The following TMEM131 variants were observed in gnomAD, a reference collection of about 807,000 sequenced individuals.
TMEM131 encodes the protein 2610524E03Rik.
In TMEM131, 66 loss-of-function variants were observed where a neutral mutation model predicts 211.6. The ratio of observed to expected loss-of-function variants is 0.31; its 90% CI spans 0.26 to 0.38. The LOEUF is 0.38. TMEM131 is among the 10% of genes least tolerant of loss of function. TMEM131 has a pLI of 1.00. For missense variants in TMEM131, 2,036 were observed against 2,299.3 expected (o/e 0.89, Z 2.34); for synonymous variants, 844 against 841.3 (o/e 1.00, Z -0.06).
intron 3 of TMEM131, among the ~76,000 whole-genome samples, chr2:97,890,596 C>T (rs1675337900): frequency 6.6e-6 from 1 of 152,132 alleles, no homozygotes; most frequent in African/African-American, 2.4e-5. Flanking sequence ...TACATGGATA[C>T]TGTTCATATT....
intron 11 of TMEM131, among the ~76,000 whole-genome samples, chr2:97,830,845 A>G (rs1239447076): frequency 6.6e-6 from 1 of 152,236 alleles, no homozygotes; most frequent in Non-Finnish European, 1.5e-5. Flanking sequence ...TCCTATATTT[A>G]GAAAGAGAAT....
chr2:97,941,149 G>C (rs1459650660), intron 1 of TMEM131, among the ~76,000 whole-genome samples: 1 of 152,122 alleles, frequency 6.6e-6, no homozygotes, highest in Non-Finnish European at 1.5e-5. Context: ...AAACAGAACA[G>C]AGCCCTCAGA....
intron 4 of TMEM131, among the ~76,000 whole-genome samples, chr2:97,881,262 AG>A (rs1674918015): frequency 6.7e-6 from 1 of 150,274 alleles, no homozygotes; most frequent in African/African-American, 2.5e-5. Context: ...TTTTTGAGAC[AG>A]GGTCTGGCTC....
intron 1 of TMEM131, 47 bp downstream of exon 1, chr2:97,995,429 A>G (rs1573671352): frequency 1.5e-6 from 2 of 1,314,000 alleles, no homozygotes; most frequent in Non-Finnish European, 1.9e-6. Flanking sequence ...CCTCCGCGAG[A>G]GCGGGGTGAC....
chr2:97,939,672 TTA>T (rs1677626821), intron 1 of TMEM131, among the ~76,000 whole-genome samples: 1 of 152,224 alleles, frequency 6.6e-6, no homozygotes, highest in Admixed American at 6.5e-5. Context: ...CTAACTCATC[TTA>T]TGAGGCCAGC....
Position 97,822,185 on chromosome 2 carries a change from C to T in TMEM131, c.1075-3464G>A, listed in dbSNP as rs533026563. On this transcript the variant is annotated intron_variant, in intron 11 of 40. Transcript: ENST00000186436. ...CTATAAGAATGATTTCCAGTATAAA[C>T]TCCAGGACTCTATTCCCTCCTTTAG... Among the ~76,000 whole-genome samples, 75 of 152,260 alleles carry T rather than the reference C, an allele frequency of 4.9e-4. 1 individual carries two copies. Among genetic ancestry groups the T allele is most frequent in the African/African-American group, 1.7e-3 (72 of 41,532 alleles).
At chr2:97,938,954 G>C (rs1436370245) in intron 1 of TMEM131, among the ~76,000 whole-genome samples, 3 of 152,112 alleles carry the variant, frequency 2.0e-5, no homozygotes, top group Admixed American at 1.3e-4. Flanking sequence ...AATGAAGGCA[G>C]AAATAAAGAT....
At chr2:97,880,297 T>C (rs1015487824) in intron 4 of TMEM131, among the ~76,000 whole-genome samples, 2 of 152,234 alleles carry the variant, frequency 1.3e-5, no homozygotes, top group Non-Finnish European at 2.9e-5. Flanking sequence ...GCATTTATCC[T>C]GAAGGCAAAT....
intron 25 of TMEM131, 124 bp from the exon 26 acceptor site, chr2:97,797,640 A>G (rs1184226833): frequency 3.7e-6 from 3 of 801,944 alleles, no homozygotes; most frequent in Non-Finnish European, 5.7e-6. Flanking sequence ...AAACAATTTT[A>G]TCTGTCATGT....
intron 1 of TMEM131, among the ~76,000 whole-genome samples, chr2:97,965,448 CCTTT>C (rs1188802790): frequency 1.3e-5 from 2 of 152,222 alleles, no homozygotes; most frequent in Non-Finnish European, 2.9e-5. Context: ...CTTTCTAACT[CCTTT>C]GTCTCCGCTG....
chr2:97,851,532 T>C (rs576024992), intron 5 of TMEM131, among the ~76,000 whole-genome samples: 17 of 152,368 alleles, frequency 1.1e-4, no homozygotes, highest in South Asian at 4.1e-4. Context: ...AATTAAAGGT[T>C]TGTAGCAACC....
intron 31 of TMEM131, among the ~76,000 whole-genome samples, chr2:97,787,102 T>C (rs1406073759): frequency 6.6e-6 from 1 of 152,244 alleles, no homozygotes; most frequent in Non-Finnish European, 1.5e-5. Context: ...TTCATTGTTT[T>C]ATATGTGCTA....
intron 5 of TMEM131, among the ~76,000 whole-genome samples, chr2:97,852,357 C>T (rs768333976): frequency 1.3e-5 from 2 of 152,074 alleles, no homozygotes; most frequent in African/African-American, 2.4e-5. Flanking sequence ...GGGGTTTCAC[C>T]ACGTTGGCCA....
chr2:97,785,050 T>C (rs1221635881), intron 31 of TMEM131, among the ~76,000 whole-genome samples: 1 of 152,148 alleles, frequency 6.6e-6, no homozygotes, highest in Non-Finnish European at 1.5e-5. Flanking sequence ...AAAACACTAC[T>C]ACCACAACTC....
At chr2:97,891,214 G>A (rs1212231015) in intron 3 of TMEM131, among the ~76,000 whole-genome samples, 1 of 152,132 alleles carries the variant, frequency 6.6e-6, no homozygotes, top group Non-Finnish European at 1.5e-5. Flanking sequence ...ATAAAGAGTG[G>A]TGGCCTTTGC....
chr2:97,805,787 C>A (rs1366320762), intron 19 of TMEM131, 84 bp from the exon 20 acceptor site: 2 of 1,262,664 alleles, frequency 1.6e-6, no homozygotes, highest in East Asian at 2.4e-5. Context: ...GACAAGCATA[C>A]TTCTAGGAAA....
intron 19 of TMEM131, among the ~76,000 whole-genome samples, chr2:97,806,669 T>C (rs1334490944): frequency 6.6e-6 from 1 of 152,252 alleles, no homozygotes; most frequent in African/African-American, 2.4e-5. Flanking sequence ...TTAAATAATT[T>C]ACGTAATCCT....
chr2:97,834,249 C>T (rs894623774), intron 10 of TMEM131, among the ~76,000 whole-genome samples: 1 of 152,142 alleles, frequency 6.6e-6, no homozygotes, highest in Non-Finnish European at 1.5e-5. Context: ...AACATTTTGT[C>T]AAAATGTAAT....
chr2:97,818,311 T>G (rs934185801), intron 12 of TMEM131, among the ~76,000 whole-genome samples: 3 of 152,050 alleles, frequency 2.0e-5, no homozygotes, highest in African/African-American at 7.2e-5. Flanking sequence ...TAATACATAA[T>G]ATGTGTAAAA....
Sources: allele counts gnomAD v4.1 joint callset (sites outside exome capture counted in the v4.1 genomes callset), GRCh38; gene constraint gnomAD v4.1.1; transcripts MANE v1.5; gene names NCBI Gene and HGNC (gene_info 2026-07-23, HGNC 2026-07-21).